Variants in GFM1 observed in about 807,000 individuals in gnomAD.
GFM1 encodes elongation factor G, mitochondrial.
GFM1 carries 62 observed loss-of-function variants against 96.2 expected under a neutral mutation model. That is an observed-to-expected ratio of 0.64 (90% CI 0.53 to 0.80). The LOEUF (loss-of-function observed/expected upper bound fraction) is 0.80. Among genes scored for constraint, GFM1 ranks in the 30% least tolerant of loss-of-function variants. The pLI is 0.00. For missense variants in GFM1, 852 were observed against 916.6 expected (o/e 0.93, Z 0.91); for synonymous variants, 282 against 312.9 (o/e 0.90, Z 1.04).
At chr3:158,648,971 AT>A in intron 4 of GFM1, 69 bp from the exon 5 acceptor site, 1 of 791,552 alleles carries the variant, frequency 1.3e-6, no homozygotes, top group Admixed American at 1.7e-5. Context: ...TTTTTAAAAT[AT>A]TCATTTTGTC....
intron 8 of GFM1, among the ~76,000 whole-genome samples, chr3:158,657,779 T>G (rs1185666573): frequency 1.3e-5 from 2 of 152,174 alleles, no homozygotes; most frequent in East Asian, 3.8e-4. Flanking sequence ...CAATCCTTTC[T>G]TCCTTTTCCA....
In GFM1 at chr3:158,644,674, C is replaced by G; in HGVS notation, c.40C>G (p.Arg14Gly). The G allele has an allele frequency of 5.1e-6, 8 of 1,579,282 alleles. No individual in the cohort carries two copies. The highest frequency in any genetic ancestry group is 6.9e-6 in the Non-Finnish European group (8 of 1,163,414). Reference sequence around the variant, plus strand: ...AGCTGCAGCCGTCGCGGCTCTGGGGCGCGGAAGGGCCCCCGCCTCCCTAGG... The same window carrying G: ...AGCTGCAGCCGTCGCGGCTCTGGGGGGCGGAAGGGCCCCCGCCTCCCTAGG... ...LGAAAVAALG[R>G]GRAPASLGWQ... Residue 14 changes from arginine (R) to glycine (G), a missense_variant, in exon 1 of 18, where the codon CGC becomes GGC. Coordinates refer to ENST00000486715, the MANE Select transcript of GFM1 (RefSeq NM_024996.7).
intron 13 of GFM1, among the ~76,000 whole-genome samples, chr3:158,680,492 G>C (rs9842501): frequency 0.42 from 63,003 of 151,736 alleles, 14,185 homozygotes; most frequent in African/African-American, 0.6. Flanking sequence ...AGCACCTTCG[G>C]TTAGCTTTTG....
At chr3:158,649,179 T>C (rs1286782095) in intron 5 of GFM1, 22 bp downstream of exon 5, 1 of 933,368 alleles carries the variant, frequency 1.1e-6, no homozygotes, top group East Asian at 2.4e-5. Flanking sequence ...AAATACATTA[T>C]TAAAATTTTA....
At chr3:158,647,498 C>T (rs1357363410) in intron 4 of GFM1, among the ~76,000 whole-genome samples, 4 of 152,132 alleles carry the variant, frequency 2.6e-5, no homozygotes. Context: ...TAAAAAGAGT[C>T]AGAATTTCAC....
intron 15 of GFM1, among the ~76,000 whole-genome samples, chr3:158,689,423 A>G (rs1447353703): frequency 1.3e-5 from 2 of 152,190 alleles, no homozygotes; most frequent in Non-Finnish European, 2.9e-5. Flanking sequence ...TGTTCAGACT[A>G]GAAAAGGAAA....
Position 158,695,125 on chromosome 3 carries a change from G to C in GFM1, c.*3658G>C, listed in dbSNP as rs1482850014. Among the ~76,000 whole-genome samples, 1 of 152,190 alleles carries C rather than the reference G, an allele frequency of 6.6e-6. No homozygotes were observed. The highest frequency in any genetic ancestry group is 1.5e-5 in the Non-Finnish European group (1 of 68,020). ...GTGGTGGCTCACGCCTGTAATTCCA[G>C]CACTTTGGGAGGCCAAGGTGGGTGG... On this transcript the variant is annotated 3_prime_UTR_variant, in exon 18 of 18. Coordinates refer to ENST00000486715, the MANE Select transcript of GFM1 (RefSeq NM_024996.7).
chr3:158,679,429 TACTATCTTCCTCAA>T (rs1228939644), intron 13 of GFM1, among the ~76,000 whole-genome samples: 3 of 152,230 alleles, frequency 2.0e-5, no homozygotes, highest in Non-Finnish European at 4.4e-5. Context: ...ATTTGTAATG[TACTATCTTCCTCAA>T]ACTGTTTTAA....
intron 13 of GFM1, among the ~76,000 whole-genome samples, chr3:158,667,290 A>T (rs908692201): frequency 6.6e-6 from 1 of 152,214 alleles, no homozygotes; most frequent in Non-Finnish European, 1.5e-5. Flanking sequence ...TCATGATCTT[A>T]TATTTGTTCC....
intron 13 of GFM1, 34 bp from the exon 14 acceptor site, chr3:158,681,961 A>C (rs1725414683): frequency 1.3e-6 from 2 of 1,547,636 alleles, no homozygotes; most frequent in Middle Eastern, 1.7e-4. Context: ...TAATTACATA[A>C]TGCTCCATTT....
intron 13 of GFM1, among the ~76,000 whole-genome samples, chr3:158,676,331 A>G (rs1234506147): frequency 6.6e-6 from 1 of 152,232 alleles, no homozygotes; most frequent in Non-Finnish European, 1.5e-5. Flanking sequence ...TGGGAAAGCA[A>G]AAGTTGATTA....
intron 5 of GFM1, chr3:158,649,907 A>T: frequency 9.8e-7 from 1 of 1,023,928 alleles, no homozygotes; most frequent in South Asian, 1.4e-5. Context: ...AGGTCTGCAG[A>T]CCACACTTTG....
chr3:158,669,058 A>G (rs1018975520), intron 13 of GFM1: 5 of 1,613,662 alleles, frequency 3.1e-6, no homozygotes, highest in East Asian at 2.2e-5. Context: ...GAATTTTGCC[A>G]TATTATATAA....
Position 158,652,147 on chromosome 3 carries a change from T to G in GFM1, c.741T>G (p.Thr247=). The change falls in exon 6 of 18, where the codon ACT becomes ACG. Residue 247 remains threonine (T), a synonymous_variant. Coordinates refer to ENST00000486715, the MANE Select transcript of GFM1 (RefSeq NM_024996.7). ...EIPAELRAAA[T]DHRQELIECV... Reference sequence around the variant, plus strand: ...CAGCTGAATTAAGGGCGGCGGCCACTGACCACCGGCAGGAGCTAATTGAAT... The same window carrying G: ...CAGCTGAATTAAGGGCGGCGGCCACGGACCACCGGCAGGAGCTAATTGAAT... The G allele has an allele frequency of 6.2e-7, 1 of 1,613,998 alleles. No homozygotes were observed.
chr3:158,650,095 G>T lies in GFM1; in HGVS notation c.689+938G>T, dbSNP rs1722175572. On this transcript the variant is annotated intron_variant, in intron 5 of 17. Transcript: ENST00000486715. ...ATGGCATTGTGATCAGTGAACTATAGAATTTATCTTCATCAGCCATCTTGT... is the reference window on the plus strand; with the variant it reads ...ATGGCATTGTGATCAGTGAACTATATAATTTATCTTCATCAGCCATCTTGT... 2.0e-6 allele frequency: 3 copies of T among 1,496,880 alleles called. No individual in the cohort carries two copies. In the African/African-American group the frequency reaches 4.1e-5, roughly 21 times the overall value. 92.7% of individuals were successfully genotyped at this position (1,496,880 alleles called of 1,614,324 possible).
Position 158,677,539 on chromosome 3 carries a change from C to T in GFM1, c.1602-4456C>T, listed in dbSNP as rs370563005. On this transcript the variant is annotated intron_variant, in intron 13 of 17. Transcript: ENST00000486715. Reference sequence around the variant, plus strand: ...TTTTTGAAATGGAGTTTCACTCTGTCGTCCAGGCTGGAGTGCAGTGGCACG... The same window carrying T: ...TTTTTGAAATGGAGTTTCACTCTGTTGTCCAGGCTGGAGTGCAGTGGCACG... Among the ~76,000 whole-genome samples, 11 of 152,246 alleles carry T rather than the reference C, an allele frequency of 7.2e-5. 1 individual carries two copies. Among genetic ancestry groups the T allele is most frequent in the East Asian group, 3.9e-4 (2 of 5,170 alleles).
intron 4 of GFM1, among the ~76,000 whole-genome samples, chr3:158,648,571 G>A (rs139679048): frequency 0.017 from 2,522 of 151,842 alleles, 40 homozygotes; most frequent in Admixed American, 0.069. Flanking sequence ...CCAGCTACTC[G>A]GGAGGCTGAG....
intron 13 of GFM1, chr3:158,669,544 C>A: frequency 6.2e-7 from 1 of 1,614,006 alleles, no homozygotes; most frequent in Non-Finnish European, 8.5e-7. Context: ...GTGAAGTTGA[C>A]TTCTGGTGCA....
At chr3:158,671,153 AG>A in intron 13 of GFM1, 1 of 1,203,858 alleles carries the variant, frequency 8.3e-7, no homozygotes, top group Non-Finnish European at 1.1e-6. Flanking sequence ...GTCTTGAAAA[AG>A]GCATGTCACC....
Sources: allele counts gnomAD v4.1 joint callset (sites outside exome capture counted in the v4.1 genomes callset), GRCh38; gene constraint gnomAD v4.1.1; transcripts MANE v1.5; gene names NCBI Gene and HGNC (gene_info 2026-07-23, HGNC 2026-07-21).